ZNF91: variants seen among roughly 807,000 people sequenced by gnomAD.
The protein encoded by ZNF91 is zinc finger protein 91 (HPF7, HTF10).
A neutral mutation model predicts 12.6 loss-of-function variants in ZNF91; 7 were observed. That is an observed-to-expected ratio of 0.55 (90% CI 0.31 to 1.04). The LOEUF (loss-of-function observed/expected upper bound fraction) is 1.04. Among genes scored for constraint, ZNF91 ranks in the 50% least tolerant of loss-of-function variants. The probability of loss-of-function intolerance (pLI) is 0.05; values close to 1 mark genes in which losing one functional copy is unlikely to be tolerated. For synonymous variants in ZNF91, 453 were observed against 462.6 expected (o/e 0.98, Z 0.27); for missense variants, 1,217 against 1,385.4 (o/e 0.88, Z 1.93).
intron 1 of ZNF91, among the ~76,000 whole-genome samples, chr19:23,392,963 TC>T (rs1459594602): frequency 2.6e-5 from 4 of 152,172 alleles, no homozygotes; most frequent in Non-Finnish European, 5.9e-5. Flanking sequence ...CTCAGGAGAC[TC>T]TGAACTATGC....
rs530445093 is a variant in ZNF91, at chr19:23,358,998, C to G, written c.*405G>C. 142 of 479,980 alleles carry G rather than the reference C, an allele frequency of 3.0e-4. No homozygotes were observed. Among genetic ancestry groups the G allele is most frequent in the African/African-American group, 2.5e-3 (127 of 50,106 alleles). The allele number at this position is 479,980 out of a possible 1,614,324, so 29.7% of individuals were successfully genotyped here. A position where few individuals can be genotyped will look rare whatever the true frequency, so the allele number is the denominator to read the frequency against. ...TCTTATCTGTAGTAAGGTGTGAAAA[C>G]TGGTTAAAGGCTTTGCCAAATTTTT... is the stretch of plus-strand genomic sequence containing the variant. On this transcript the variant is annotated 3_prime_UTR_variant, in exon 4 of 4. Transcript: ENST00000300619.
intron 1 of ZNF91, chr19:23,385,184 A>C: frequency 1.5e-6 from 1 of 675,886 alleles, no homozygotes; most frequent in Non-Finnish European, 2.7e-6. Flanking sequence ...GGAAAGACTA[A>C]GTCAGAGGAG....
rs377387685 is a variant in ZNF91 at position 23,373,829 on chromosome 19, G to C, written c.166C>G (p.Leu56Val). 10 of 1,596,692 alleles carry C rather than the reference G, an allele frequency of 6.3e-6. No individual in the cohort carries two copies. Among genetic ancestry groups the C allele is most frequent in the South Asian group, 2.3e-5 (2 of 88,290 alleles). The change falls in exon 3 of 4, where the codon CTC becomes GTC. Residue 56 changes from leucine to valine, a missense_variant. By Grantham distance (32) the Leu-to-Val change is conservative. Transcript: ENST00000300619. ...TAAGTAATCAGGTCTGGCTTAGAGAGAGCAATACCTGTTTTATTAAAAATA... is the reference window on the plus strand; with the variant it reads ...TAAGTAATCAGGTCTGGCTTAGAGACAGCAATACCTGTTTTATTAAAAATA... ...YRNLAFLGIA[L>V]SKPDLITYLE...
rs759188956 is a variant in ZNF91 at position 23,360,598 on chromosome 19, C to A, written c.2381G>T (p.Gly794Val). Residue 794 changes from glycine (G) to valine (V), a missense_variant, in exon 4 of 4, where the codon GGA becomes GTA. Around this residue, in one of 2 missense-constraint regions of ZNF91, gnomAD observed 491 missense variants for 489.8 expected, o/e 1.00. Coordinates refer to ENST00000300619, the MANE Select transcript of ZNF91 (RefSeq NM_003430.4). ...TTCTTCACATTTGTAGGGCTTCTCTCCAGTGTGTATCCTCTTATGTCTAGT... is the reference window on the plus strand; with the variant it reads ...TTCTTCACATTTGTAGGGCTTCTCTACAGTGTGTATCCTCTTATGTCTAGT... The part of the protein sequence containing the change: ...TLTRHKRIHT[G>V]EKPYKCEECG... 5.6e-6 allele frequency: 9 copies of A among 1,613,832 alleles called. No individual in the cohort carries two copies. In the Admixed American group the frequency reaches 6.7e-5, roughly 12 times the overall value.
chr19:23,389,924 CTG>C (rs1970004466), intron 1 of ZNF91, among the ~76,000 whole-genome samples: 1 of 152,178 alleles, frequency 6.6e-6, no homozygotes, highest in Non-Finnish European at 1.5e-5. Context: ...TGTTTAGAAA[CTG>C]GGGACTCCCA....
At chr19:23,339,100 AAAT>A (rs1268238134) in intron 3 of ZNF91, 2 of 152,086 alleles carry the variant, frequency 1.3e-5, no homozygotes, top group Non-Finnish European at 2.9e-5. Flanking sequence ...GAATGAGAAA[AAAT>A]AACGCAAATC....
intron 3 of ZNF91, among the ~76,000 whole-genome samples, chr19:23,373,430 CAGTT>C (rs1266072380): frequency 3.4e-5 from 5 of 147,166 alleles, no homozygotes; most frequent in Non-Finnish European, 6.0e-5. Context: ...TGAATACACT[CAGTT>C]AATTAGCAAA....
intron 3 of ZNF91, among the ~76,000 whole-genome samples, chr19:23,368,009 A>C (rs1969084048): frequency 6.6e-6 from 1 of 151,978 alleles, no homozygotes; most frequent in African/African-American, 2.4e-5. Context: ...TCCCGGGTTC[A>C]AGCGATTACC....
intron 3 of ZNF91, chr19:23,339,521 G>A (rs1045628826): frequency 6.6e-6 from 1 of 152,086 alleles, no homozygotes; most frequent in Admixed American, 6.5e-5. Context: ...AAAATTATAC[G>A]AACTACCTAC....
downstream of ZNF91, among the ~76,000 whole-genome samples, chr19:23,337,513 A>C (rs192994611): frequency 5.2e-3 from 791 of 152,070 alleles, 5 homozygotes; most frequent in Non-Finnish European, 9.2e-3. Flanking sequence ...TAAATTCGAA[A>C]ATAAAATGAA....
In ZNF91 at chr19:23,359,608, T is replaced by C. The variant is rs769613322; in HGVS notation, c.3371A>G (p.His1124Arg). 3.1e-6 allele frequency: 5 copies of C among 1,614,066 alleles called. No individual in the cohort carries two copies. Among genetic ancestry groups the C allele is most frequent in the East Asian group, 2.2e-5 (1 of 44,880 alleles). ...TTTCTCTCCAGTGTGAATTATCTTA[T>C]GTTTAGTAAGAGCTGAGGACTCTTT... ...AFKESSALTK[H>R]KIIHTGEKPY... Residue 1124 changes from histidine (H) to arginine (R), a missense_variant, in exon 4 of 4, where the codon CAT (histidine) becomes CGT (arginine). Transcript: ENST00000300619.
At chr19:23,384,626 C>T (rs1969815930) in intron 1 of ZNF91, 3 of 785,798 alleles carry the variant, frequency 3.8e-6, no homozygotes, top group South Asian at 2.9e-5. Context: ...TCATCAGTCC[C>T]CCTCTTGGAG....
At chr19:23,322,697 TCTC>T (rs746984646) in intron 1 of ZNF91, among the ~76,000 whole-genome samples, 28 of 149,250 alleles carry the variant, frequency 1.9e-4, no homozygotes, top group South Asian at 8.6e-4. Flanking sequence ...CTTTTCGTCT[TCTC>T]CTCCTCACTT....
chr19:23,326,038 C>A (rs1967830773), intron 1 of ZNF91: 1 of 152,246 alleles, frequency 6.6e-6, no homozygotes, highest in Non-Finnish European at 1.5e-5. Context: ...CTGAATAATT[C>A]TTTACTGCCT....
At chr19:23,317,008 G>A (rs1341618613) in intron 1 of ZNF91, among the ~76,000 whole-genome samples, 2 of 151,912 alleles carry the variant, frequency 1.3e-5, no homozygotes, top group African/African-American at 2.4e-5. Flanking sequence ...AATTGTTTCC[G>A]TCATATGCTA....
intron 3 of ZNF91, among the ~76,000 whole-genome samples, chr19:23,371,441 C>T (rs12971750): frequency 0.19 from 28,641 of 151,894 alleles, 2,920 homozygotes; most frequent in Non-Finnish European, 0.21. Context: ...TAAAAACACA[C>T]ATATATAATC....
rs573526052 is a variant in ZNF91 at position 23,323,100 on chromosome 19, CTT to C, written n.117-14005_117-14004del. On this transcript the variant is annotated intron_variant and non_coding_transcript_variant, in intron 1 of 1. Coordinates refer to the ZNF91 transcript ENST00000596528. ...TTTCTTTTCTTCCTCCTCCCCTCCC[CTT>C]GTCTCCTTTTCCTCTCCTCCTTTTC... Among the ~76,000 whole-genome samples, 54 of 146,230 alleles carry C rather than the reference CTT, an allele frequency of 3.7e-4. No homozygotes were observed. The South Asian group carries it at 8.7e-3, about 23-fold the overall frequency.
chr19:23,372,516 A>C (rs974166713), intron 3 of ZNF91, among the ~76,000 whole-genome samples: 1 of 152,206 alleles, frequency 6.6e-6, no homozygotes, highest in Admixed American at 6.5e-5. Context: ...CCTTTTTAGA[A>C]GGCAAGCCTC....
intron 3 of ZNF91, among the ~76,000 whole-genome samples, chr19:23,343,194 T>A (rs372223807): frequency 3.9e-5 from 6 of 152,212 alleles, no homozygotes; most frequent in African/African-American, 1.4e-4. Flanking sequence ...TGTCCAGTTC[T>A]CATATGGAGA....
Sources: allele counts gnomAD v4.1 joint callset (sites outside exome capture counted in the v4.1 genomes callset), GRCh38; gene constraint gnomAD v4.1.1; regional missense constraint gnomAD v4.1.1; transcripts MANE v1.5; gene names NCBI Gene and HGNC (gene_info 2026-07-23, HGNC 2026-07-21).